RNF123: variants seen among roughly 807,000 people sequenced by gnomAD.
The protein encoded by RNF123 is ring finger protein 123.
In RNF123, 86 loss-of-function variants were observed where a neutral mutation model predicts 168.5. The ratio of observed to expected loss-of-function variants is 0.51; its 90% CI spans 0.43 to 0.61. RNF123 has a LOEUF of 0.61. Ranked by LOEUF, RNF123 falls within the 20% of genes least tolerant of loss-of-function variation. The pLI, the probability that RNF123 is intolerant of heterozygous loss-of-function variation, is 0.00. For missense variants in RNF123, 1,419 were observed against 1,729.7 expected, an observed-to-expected ratio of 0.82 and a Z score of 3.19; for synonymous variants, 666 against 689.1, an observed-to-expected ratio of 0.97 and a Z score of 0.52.
intron 35 of RNF123, 157 bp from the exon 36 acceptor site, chr3:49,720,354 T>A: frequency 4.9e-6 from 3 of 609,558 alleles, no homozygotes; most frequent in Non-Finnish European, 7.7e-6. Context: ...GGCACCTTAC[T>A]AGAATACAGG....
In RNF123 at chr3:49,701,832, AAGG is replaced by A. The variant is rs766083138; in HGVS notation, c.1423_1425del (p.Glu475del). On this transcript the variant is annotated inframe_deletion, in exon 17 of 39. Transcript: ENST00000327697. ...CTAGGGCAAAGAGAGCACGGAGATGAAGGAGGAGACCGCAGAGGAGCGGCTGCG... is the reference window on the plus strand; with the variant it reads ...CTAGGGCAAAGAGAGCACGGAGATGAAGGAGACCGCAGAGGAGCGGCTGCG... The A allele has an allele frequency of 5.1e-6, 8 of 1,573,646 alleles. No individual in the cohort carries two copies. In the South Asian group the frequency reaches 5.8e-5, roughly 11 times the overall value.
At chr3:49,709,949 T>C (rs965050066) in intron 26 of RNF123, among the ~76,000 whole-genome samples, 1 of 152,174 alleles carries the variant, frequency 6.6e-6, no homozygotes, top group Non-Finnish European at 1.5e-5. Context: ...TCACCAGTAG[T>C]GCATGAGGGT....
At position 49,705,013 on chromosome 3, in the gene RNF123, G is replaced by A; in HGVS notation, c.1989G>A (p.Gly663=). The A allele has an allele frequency of 6.2e-7, 1 of 1,608,100 alleles. No individual in the cohort carries two copies. Among genetic ancestry groups the A allele is most frequent in the Non-Finnish European group, 8.5e-7 (1 of 1,178,254 alleles). Residue 663 remains glycine (G), a synonymous_variant, in exon 23 of 39, where the codon GGG becomes GGA. Coordinates refer to ENST00000327697, the MANE Select transcript of RNF123 (RefSeq NM_022064.5). The part of the protein sequence containing the change: ...QRPMQALAVG[G]PLPLPRPGWL... Reference sequence around the variant, plus strand: ...CCATGCAGGCCCTGGCTGTTGGGGGGCCACTGCCCCTGCCCCGGCCCGGCT... The same window carrying A: ...CCATGCAGGCCCTGGCTGTTGGGGGACCACTGCCCCTGCCCCGGCCCGGCT...
At chr3:49,702,517 TTC>T in intron 19 of RNF123, 112 bp downstream of exon 19, 1 of 1,606,088 alleles carries the variant, frequency 6.2e-7, no homozygotes, top group Admixed American at 1.7e-5. Flanking sequence ...CCCCAAGCTT[TTC>T]TCTGCTGCTT....
intron 3 of RNF123, 196 bp from the exon 4 acceptor site, chr3:49,696,941 CGGCCTG>C: frequency 1.8e-6 from 1 of 568,110 alleles, no homozygotes; most frequent in Non-Finnish European, 3.3e-6. Context: ...CCACCACACC[CGGCCTG>C]GACTGGTTAT....
chr3:49,718,064 C>T (rs1559690096), intron 35 of RNF123: 3 of 1,613,662 alleles, frequency 1.9e-6, no homozygotes, highest in Non-Finnish European at 2.5e-6. Context: ...GCCAGCTGCA[C>T]GCGGCCATTG....
chr3:49,701,624 G>A lies in RNF123; in HGVS notation c.1395+16G>A, dbSNP rs2054389636. 6.2e-7 allele frequency: 1 copy of A among 1,603,406 alleles called. No individual in the cohort carries two copies. The highest frequency in any genetic ancestry group is 8.5e-7 in the Non-Finnish European group (1 of 1,170,806). On this transcript the variant is annotated intron_variant, in intron 16 of 38. Transcript: ENST00000327697. ...CAGTAGGGAGGTGAGTGCACCCCAAGTGGGATGGGCAGAGGTCATGGCAAG... is the reference window on the plus strand; with the variant it reads ...CAGTAGGGAGGTGAGTGCACCCCAAATGGGATGGGCAGAGGTCATGGCAAG...
chr3:49,719,169 C>A (rs1038130479), intron 35 of RNF123: 2 of 1,613,402 alleles, frequency 1.2e-6, no homozygotes, highest in African/African-American at 2.7e-5. Flanking sequence ...CGCGACCCAG[C>A]GCATCTAGTT....
intron 35 of RNF123, chr3:49,716,769 G>A (rs2080253149): frequency 2.5e-6 from 1 of 403,398 alleles, no homozygotes; most frequent in Admixed American, 4.0e-5. Context: ...CGGAGGGTGT[G>A]CCGTCCTGTG....
At chr3:49,700,071 C>G (rs2054347849) in intron 12 of RNF123, 156 bp from the exon 13 acceptor site, 1 of 1,078,304 alleles carries the variant, frequency 9.3e-7, no homozygotes, top group Admixed American at 2.6e-5. Flanking sequence ...CTTCTTGTCC[C>G]TCAGTCAGAC....
intron 32 of RNF123, 42 bp downstream of exon 32, chr3:49,715,756 G>A: frequency 6.2e-7 from 1 of 1,614,162 alleles, no homozygotes; most frequent in Non-Finnish European, 8.5e-7. Context: ...TGGTGCAAGG[G>A]ATGAGGCCTG....
chr3:49,704,673 A>C lies in RNF123; in HGVS notation c.1876A>C (p.Ile626Leu), dbSNP rs774924123. 9 of 1,609,882 alleles carry C rather than the reference A, an allele frequency of 5.6e-6. No individual in the cohort carries two copies. Among genetic ancestry groups the C allele is most frequent in the African/African-American group, 5.3e-5 (4 of 74,864 alleles). ...LKDDLASKAN[I>L]VIDPLELQST... The stretch of plus-strand genomic sequence containing the variant: ...AGATGACCTTGCTTCCAAAGCCAAC[A>C]TTGTGATCGACCCACTGGAGCTCCA... Residue 626 changes from isoleucine (I) to leucine (L), a missense_variant, in exon 22 of 39, where the codon ATT (isoleucine) becomes CTT (leucine). Ile to Leu is a conservative substitution (Grantham distance 5). Transcript: ENST00000327697.
intron 1 of RNF123, among the ~76,000 whole-genome samples, chr3:49,690,437 G>C (rs1204068911): frequency 2.0e-5 from 3 of 152,242 alleles, no homozygotes; most frequent in Non-Finnish European, 4.4e-5. Context: ...CCAGCACCAG[G>C]GACTCAGTGC....
chr3:49,698,078 T>A lies in RNF123; in HGVS notation c.424T>A (p.Ser142Thr). The A allele has an allele frequency of 6.2e-7, 1 of 1,613,904 alleles. No individual in the cohort carries two copies. The highest frequency in any genetic ancestry group is 8.5e-7 in the Non-Finnish European group (1 of 1,179,966). The stretch of plus-strand genomic sequence containing the variant: ...GAAATGGCTCTACGAGGTCCTCATC[T>A]CCTCCCAGGGGCTCATGCAGATCGG... The part of the protein sequence containing the change: ...KGKWLYEVLI[S>T]SQGLMQIGWC... Residue 142 changes from serine to threonine, a missense_variant, in exon 7 of 39, where the codon TCC (serine) becomes ACC (threonine). Physicochemically the swap from Ser to Thr is moderately conservative, Grantham distance 58 (BLOSUM62 1). Transcript: ENST00000327697.
Position 49,719,093 on chromosome 3 carries a change from C to T in RNF123, c.3501-1418C>T, listed in dbSNP as rs544779627. On this transcript the variant is annotated intron_variant, in intron 35 of 38. Coordinates refer to ENST00000327697, the MANE Select transcript of RNF123 (RefSeq NM_022064.5). ...CCCAGCCCGTCGAGGTCGTGGCGGC[C>T]AAGCGCCCGCAACGTGTTAGATGAT... is the stretch of plus-strand genomic sequence containing the variant. The T allele has an allele frequency of 1.5e-5, 25 of 1,613,556 alleles. No individual in the cohort carries two copies. In the South Asian group the frequency reaches 2.5e-4, roughly 16 times the overall value.
chr3:49,694,933 C>G (rs2054238454), intron 3 of RNF123, among the ~76,000 whole-genome samples: 3 of 152,262 alleles, frequency 2.0e-5, no homozygotes, highest in African/African-American at 7.2e-5. Flanking sequence ...TATTCAGGGC[C>G]CTGAACTGGG....
At position 49,699,137 on chromosome 3, in the gene RNF123, T is replaced by C. The variant is rs761750149; in HGVS notation, c.764+32T>C. On this transcript the variant is annotated intron_variant, in intron 10 of 38. Coordinates refer to ENST00000327697, the MANE Select transcript of RNF123 (RefSeq NM_022064.5). This position sits in a 1 kb window ranked among gnomAD's most constrained non-coding sequence, Gnocchi z 4.8. ...TTTTGTGAAGATGGCTGTGGGCTGC[T>C]CAGAAGCTCTTGGGGAGGCTGGGAT... 7 of 1,600,670 alleles carry C rather than the reference T, an allele frequency of 4.4e-6. No homozygotes were observed. The highest frequency in any genetic ancestry group is 6.0e-6 in the Non-Finnish European group (7 of 1,173,940).
At position 49,721,313 on chromosome 3, in the gene RNF123, A is replaced by T. The variant is rs2080401800; in HGVS notation, c.*8A>T. 1.2e-5 allele frequency: 19 copies of T among 1,614,064 alleles called. No homozygotes were observed. Among genetic ancestry groups the T allele is most frequent in the Non-Finnish European group, 1.4e-5 (17 of 1,180,036 alleles). ...ACCTCCTCAGCTGCCTAGCCCTCAC[A>T]GCCTGTGCCATCCTGGAACCTCCAC... On this transcript the variant is annotated 3_prime_UTR_variant, in exon 39 of 39. Coordinates refer to ENST00000327697, the MANE Select transcript of RNF123 (RefSeq NM_022064.5).
At chr3:49,698,610 ACAGGGCACCAGGGAAGGGT>A in intron 8 of RNF123, 84 bp downstream of exon 8, 1 of 1,554,140 alleles carries the variant, frequency 6.4e-7, no homozygotes, top group Non-Finnish European at 8.9e-7. Flanking sequence ...ATAAGGGACT[ACAGGGCACCAGGGAAGGGT>A]CAGGGACCCA....
Sources: gnomAD v4.1 joint callset for allele counts (sites outside exome capture counted in the v4.1 genomes callset) on GRCh38, gnomAD v4.1.1 for gene constraint, Gnocchi (gnomAD v3.1) non-coding constraint, MANE v1.5 for transcripts, NCBI Gene and HGNC (gene_info 2026-07-23, HGNC 2026-07-21) for gene names.